GALNT2: variants seen among roughly 807,000 people sequenced by gnomAD.
GALNT2 encodes the protein UDP-GalNAc:polypeptide N-acetylgalactosaminyltransferase 2.
GALNT2 carries 31 observed loss-of-function variants against 81.4 expected under a neutral mutation model. The ratio of observed to expected loss-of-function variants is 0.38; its 90% CI spans 0.29 to 0.51. The LOEUF is 0.51. Among genes scored for constraint, GALNT2 ranks in the 20% least tolerant of loss-of-function variants. GALNT2 has a pLI of 0.87. For missense variants in GALNT2, 629 were observed against 765.7 expected (o/e 0.82, Z 2.11); for synonymous variants, 303 against 287.4 (o/e 1.05, Z -0.55).
chr1:230,148,712 G>A (rs535390172), intron 1 of GALNT2, among the ~76,000 whole-genome samples: 2 of 151,490 alleles, frequency 1.3e-5, no homozygotes, highest in African/African-American at 2.4e-5. Context: ...TCAGCCTTCC[G>A]AGTAGCTGGG....
chr1:230,244,055 T>C (rs563861123), intron 7 of GALNT2, among the ~76,000 whole-genome samples: 1 of 151,948 alleles, frequency 6.6e-6, no homozygotes, highest in South Asian at 2.1e-4. Context: ...TCTGCTTGTT[T>C]TATTGACTTT....
intron 2 of GALNT2, among the ~76,000 whole-genome samples, chr1:230,183,675 C>T (rs1437278705): frequency 6.6e-6 from 1 of 152,094 alleles, no homozygotes; most frequent in Non-Finnish European, 1.5e-5. Context: ...TATGATAGTT[C>T]AATTAAGAAT....
chr1:230,272,854 G>A (rs1266715593), intron 14 of GALNT2, among the ~76,000 whole-genome samples: 1 of 152,056 alleles, frequency 6.6e-6, no homozygotes, highest in Non-Finnish European at 1.5e-5. Context: ...CTGCAGCCTC[G>A]GCCTCCCAGG....
Position 230,243,323 on chromosome 1 carries a change from G to A in GALNT2, c.625G>A (p.Val209Ile). The change falls in exon 7 of 16, where the codon GTT (valine) becomes ATT (isoleucine). Residue 209 changes from valine (V) to isoleucine (I), a missense_variant. Physicochemically the swap from Val to Ile is conservative, Grantham distance 29. Coordinates refer to ENST00000366672, the MANE Select transcript of GALNT2 (RefSeq NM_004481.5). The surrounding 1 kb of genome is among the most constrained non-coding windows in gnomAD (Gnocchi z 4.2). ...CTCTGCAGGCCTCATGCGCTCACGG[G>A]TTCGGGGGGCCGATGCTGCCCAAGC... ...DRREGLMRSR[V>I]RGADAAQAKV... 6.2e-7 allele frequency: 1 copy of A among 1,607,538 alleles called. No homozygotes were observed.
At chr1:230,206,114 A>C (rs1358990463) in intron 3 of GALNT2, among the ~76,000 whole-genome samples, 2 of 152,144 alleles carry the variant, frequency 1.3e-5, no homozygotes, top group Non-Finnish European at 2.9e-5. Flanking sequence ...ATGTGGGTTA[A>C]GAGCTAGTTT....
At chr1:230,222,362 G>A (rs978389254) in intron 3 of GALNT2, among the ~76,000 whole-genome samples, 2 of 152,102 alleles carry the variant, frequency 1.3e-5, no homozygotes, top group Non-Finnish European at 2.9e-5. Flanking sequence ...CATGAGAGTT[G>A]AATGTTGAAT....
At chr1:230,128,384 G>A (rs939723212) in intron 1 of GALNT2, among the ~76,000 whole-genome samples, 1 of 145,278 alleles carries the variant, frequency 6.9e-6, no homozygotes, top group Non-Finnish European at 1.6e-5. Flanking sequence ...CAGCCACTTG[G>A]AGTTTTGGGG....
Position 230,220,597 on chromosome 1 carries a change from C to T in GALNT2, c.375-15417C>T, listed in dbSNP as rs143730263. Among the ~76,000 whole-genome samples the T allele has an allele frequency of 5.3e-3, 804 of 152,198 alleles. 1 individual carries two copies. Among genetic ancestry groups the T allele is most frequent in the Admixed American group, 8.2e-3 (125 of 15,294 alleles). On this transcript the variant is annotated intron_variant, in intron 3 of 15. Transcript: ENST00000366672. ...GTCACCACGTGCTGGGTGGGCTGAACTAGATCTCTCTCGGTAGCTGCTTTT... is the reference window on the plus strand; with the variant it reads ...GTCACCACGTGCTGGGTGGGCTGAATTAGATCTCTCTCGGTAGCTGCTTTT...
chr1:230,196,873 C>T (rs1490362569), intron 2 of GALNT2, among the ~76,000 whole-genome samples: 1 of 152,176 alleles, frequency 6.6e-6, no homozygotes, highest in African/African-American at 2.4e-5. Flanking sequence ...GCTGGTGCTT[C>T]CCGTCTCTGC....
chr1:230,083,212 G>C (rs1659795493), intron 1 of GALNT2, among the ~76,000 whole-genome samples: 1 of 149,934 alleles, frequency 6.7e-6, no homozygotes, highest in African/African-American at 2.5e-5. Flanking sequence ...GATGGAGCGG[G>C]GGGGCCAGGA....
chr1:230,139,835 T>C (rs1661672517), intron 1 of GALNT2, among the ~76,000 whole-genome samples: 1 of 152,238 alleles, frequency 6.6e-6, no homozygotes, highest in Admixed American at 6.5e-5. Context: ...TTGTTTTGCT[T>C]TGGGCTGTTG....
At chr1:230,131,806 C>T (rs1329493102) in intron 1 of GALNT2, among the ~76,000 whole-genome samples, 2 of 152,116 alleles carry the variant, frequency 1.3e-5, no homozygotes, top group Non-Finnish European at 2.9e-5. Context: ...AAGTAAGCAG[C>T]GAACTGTTTC....
At chr1:230,099,058 A>C (rs954866237) in intron 1 of GALNT2, among the ~76,000 whole-genome samples, 1 of 152,194 alleles carries the variant, frequency 6.6e-6, no homozygotes, top group Non-Finnish European at 1.5e-5. Flanking sequence ...TGTCAGCTTC[A>C]TGTAGCCAAG....
At chr1:230,205,406 T>C (rs1043439452) in intron 3 of GALNT2, among the ~76,000 whole-genome samples, 11 of 152,178 alleles carry the variant, frequency 7.2e-5, no homozygotes, top group African/African-American at 2.7e-4. Context: ...CATATGAGTA[T>C]ATGTAAACAT....
At chr1:230,105,221 G>A (rs1210948367) in intron 1 of GALNT2, among the ~76,000 whole-genome samples, 4 of 152,172 alleles carry the variant, frequency 2.6e-5, no homozygotes, top group Non-Finnish European at 5.9e-5. Context: ...TCTCCAGGAG[G>A]GACAGGGAGT....
intron 1 of GALNT2, among the ~76,000 whole-genome samples, chr1:230,130,903 C>G (rs943262992): frequency 1.3e-5 from 2 of 152,120 alleles, no homozygotes; most frequent in Non-Finnish European, 2.9e-5. Flanking sequence ...GGCCCACACC[C>G]GTGACTGCCC....
intron 1 of GALNT2, among the ~76,000 whole-genome samples, chr1:230,155,995 T>G (rs1662239530): frequency 6.6e-6 from 1 of 151,832 alleles, no homozygotes. Flanking sequence ...GGGCTCTGTC[T>G]GGGTGGGAGA....
intron 10 of GALNT2, 133 bp from the exon 11 acceptor site, chr1:230,255,085 C>A: frequency 7.8e-7 from 1 of 1,286,788 alleles, no homozygotes; most frequent in Middle Eastern, 2.2e-4. Context: ...TATCAGATCT[C>A]CTTCAGCAGC....
At chr1:230,260,829 T>C (rs1007817100) in intron 11 of GALNT2, among the ~76,000 whole-genome samples, 4 of 152,228 alleles carry the variant, frequency 2.6e-5, no homozygotes, top group African/African-American at 4.8e-5. Flanking sequence ...ACCAAACCAG[T>C]TGTGCCATAA....
Sources: allele counts gnomAD v4.1 joint callset (sites outside exome capture counted in the v4.1 genomes callset), GRCh38; gene constraint gnomAD v4.1.1; non-coding constraint Gnocchi (gnomAD v3.1); transcripts MANE v1.5; gene names NCBI Gene and HGNC (gene_info 2026-07-23, HGNC 2026-07-21).